The following CDH18 variants were observed in gnomAD, a reference collection of about 807,000 sequenced individuals.
CDH18 encodes the protein cadherin-18.
CDH18 carries 31 observed loss-of-function variants against 67.9 expected under a neutral mutation model. That is an observed-to-expected ratio of 0.46 (90% CI 0.34 to 0.62). CDH18 has a LOEUF of 0.62. Ranked by LOEUF, CDH18 falls within the 20% of genes least tolerant of loss-of-function variation. CDH18 has a pLI of 0.01. For synonymous variants in CDH18, 362 were observed against 347.2 expected (o/e 1.04, Z -0.48); for missense variants, 890 against 975.5 (o/e 0.91, Z 1.17).
At chr5:20,047,267 T>C (rs962136561) in intron 2 of CDH18, among the ~76,000 whole-genome samples, 5 of 151,844 alleles carry the variant, frequency 3.3e-5, no homozygotes, top group African/African-American at 1.2e-4. Flanking sequence ...GATTTAGTGG[T>C]AAAAATTATA....
intron 8 of CDH18, among the ~76,000 whole-genome samples, chr5:19,570,947 C>A (rs1741278243): frequency 6.6e-6 from 1 of 152,144 alleles, no homozygotes; most frequent in Admixed American, 6.5e-5. Flanking sequence ...GATCACTCTG[C>A]TAGTAAGCAG....
At chr5:19,504,289 C>CT (rs1554030723) in intron 10 of CDH18, among the ~76,000 whole-genome samples, 3 of 152,052 alleles carry the variant, frequency 2.0e-5, no homozygotes, top group African/African-American at 7.2e-5. Context: ...CTTTCACCGC[C>CT]TTTCCATCAC....
chr5:19,669,457 T>A (rs1758442673), intron 5 of CDH18, among the ~76,000 whole-genome samples: 2 of 151,738 alleles, frequency 1.3e-5, no homozygotes, highest in Admixed American at 1.3e-4. Context: ...CACATCTGGC[T>A]AATTTGTATT....
intron 2 of CDH18, among the ~76,000 whole-genome samples, chr5:20,067,036 T>C (rs189951514): frequency 6.6e-6 from 1 of 151,714 alleles, no homozygotes; most frequent in Non-Finnish European, 1.5e-5. Context: ...TAAAAAATAA[T>C]ACAAATAAAA....
intron 1 of CDH18, among the ~76,000 whole-genome samples, chr5:20,287,052 A>G (rs1206795987): frequency 1.3e-5 from 2 of 151,750 alleles, no homozygotes; most frequent in Admixed American, 1.3e-4. Context: ...CTCACTGCTA[A>G]TTTGGACTCT....
chr5:20,154,997 T>C (rs1751413335), intron 2 of CDH18, among the ~76,000 whole-genome samples: 1 of 152,200 alleles, frequency 6.6e-6, no homozygotes, highest in South Asian at 2.1e-4. Flanking sequence ...TTCATTTTCT[T>C]CAGGTTTCTT....
chr5:20,203,960 A>G (rs1739670884), intron 2 of CDH18, among the ~76,000 whole-genome samples: 2 of 152,112 alleles, frequency 1.3e-5, no homozygotes, highest in Non-Finnish European at 1.5e-5. Flanking sequence ...GAGGAGAAAA[A>G]GAAAAAAAGA....
chr5:20,077,625 A>C (rs1311473586), intron 2 of CDH18, among the ~76,000 whole-genome samples: 2 of 152,222 alleles, frequency 1.3e-5, no homozygotes, highest in Admixed American at 1.3e-4. Context: ...GTTGGAAAAG[A>C]AGAATTGTTT....
chr5:20,308,608 G>A (rs1170691061), intron 1 of CDH18, among the ~76,000 whole-genome samples: 11 of 152,078 alleles, frequency 7.2e-5, no homozygotes, highest in Non-Finnish European at 1.5e-4. Context: ...GATTTAATAG[G>A]GTTGAGAAAT....
At chr5:20,206,904 G>A (rs777666525) in intron 2 of CDH18, among the ~76,000 whole-genome samples, 2 of 151,850 alleles carry the variant, frequency 1.3e-5, no homozygotes, top group Admixed American at 1.3e-4. Flanking sequence ...ACTGAACAGG[G>A]GAAAATTGAA....
At chr5:20,217,136 GCTAAA>G (rs1448822540) in intron 2 of CDH18, among the ~76,000 whole-genome samples, 3 of 151,804 alleles carry the variant, frequency 2.0e-5, no homozygotes, top group African/African-American at 2.4e-5. Context: ...TACAGAAAAT[GCTAAA>G]GAGAGTTCTT....
chr5:20,425,329 C>T (rs962366396), intron 1 of CDH18, among the ~76,000 whole-genome samples: 6 of 149,734 alleles, frequency 4.0e-5, no homozygotes, highest in Non-Finnish European at 5.9e-5. Context: ...CAAGATTGCG[C>T]GATTGCACTC....
chr5:19,896,400 G>A (rs1380132569), intron 2 of CDH18, among the ~76,000 whole-genome samples: 2 of 151,984 alleles, frequency 1.3e-5, no homozygotes, highest in Non-Finnish European at 2.9e-5. Context: ...TAGATTACTT[G>A]GGTGAGACCT....
chr5:20,478,531 A>G (rs182411319), intron 1 of CDH18, among the ~76,000 whole-genome samples: 22 of 152,108 alleles, frequency 1.4e-4, no homozygotes, highest in Middle Eastern at 3.4e-3. Context: ...TGAGGAAAGG[A>G]GAGAGAAGAC....
chr5:20,418,435 A>G lies in CDH18; in HGVS notation c.-580+157027T>C, dbSNP rs549652562. On this transcript the variant is annotated intron_variant, in intron 1 of 14. Coordinates refer to the CDH18 transcript ENST00000507958. ...GGTTTACATTGCCTCTTTGCATACA[A>G]CTCCTCCAGGGGAGAGTCGGTTAAA... Among the ~76,000 whole-genome samples the G allele has an allele frequency of 2.0e-5, 3 of 148,654 alleles. No individual in the cohort carries two copies. In the South Asian group the frequency reaches 6.4e-4, roughly 32 times the overall value.
intron 10 of CDH18, among the ~76,000 whole-genome samples, chr5:19,519,377 T>A (rs1190580205): frequency 1.3e-5 from 2 of 152,178 alleles, no homozygotes; most frequent in Non-Finnish European, 2.9e-5. Context: ...GAGTATAATT[T>A]CAGCACAAGT....
At chr5:20,099,238 G>A (rs1181295547) in intron 2 of CDH18, among the ~76,000 whole-genome samples, 10 of 152,102 alleles carry the variant, frequency 6.6e-5, no homozygotes, top group Admixed American at 2.6e-4. Context: ...TTCTTTCTGA[G>A]AGAGGACATA....
intron 1 of CDH18, among the ~76,000 whole-genome samples, chr5:19,986,322 CA>C (rs1799555543): frequency 6.6e-6 from 1 of 152,178 alleles, no homozygotes; most frequent in African/African-American, 2.4e-5. Context: ...GATACAGTTA[CA>C]GCTAGAGTTT....
intron 2 of CDH18, among the ~76,000 whole-genome samples, chr5:20,000,709 C>A (rs922172805): frequency 2.0e-5 from 3 of 151,260 alleles, no homozygotes; most frequent in Admixed American, 2.0e-4. Flanking sequence ...CTGTACAGCC[C>A]CTAATGGATG....
Sources: gnomAD v4.1 joint callset for allele counts (sites outside exome capture counted in the v4.1 genomes callset) on GRCh38, gnomAD v4.1.1 for gene constraint, MANE v1.5 for transcripts, NCBI Gene and HGNC (gene_info 2026-07-23, HGNC 2026-07-21) for gene names.